The following MGST1 variants were observed in gnomAD, a reference collection of about 807,000 sequenced individuals.
MGST1 encodes microsomal glutathione S-transferase 1, also known as glutathione S-transferase 12.
MGST1 carries 5 observed loss-of-function variants against 8.9 expected under a neutral mutation model. The observed-to-expected ratio is 0.56, with a 90% CI of 0.29 to 1.19. The LOEUF (loss-of-function observed/expected upper bound fraction) is 1.19. MGST1 is among the 50% of genes most tolerant of loss of function. MGST1 has a pLI of 0.08. For missense variants in MGST1, 182 were observed against 187.4 expected, an observed-to-expected ratio of 0.97 and a Z score of 0.17; for synonymous variants, 54 against 67.8, an observed-to-expected ratio of 0.80 and a Z score of 1.00.
intron 4 of MGST1, among the ~76,000 whole-genome samples, chr12:16,588,933 G>A (rs1275178057): frequency 6.6e-6 from 1 of 151,402 alleles, no homozygotes; most frequent in Non-Finnish European, 1.5e-5. Context: ...AATGTGTACC[G>A]CTCTTTCCCT....
At position 16,546,927 on chromosome 12, in the gene MGST1, T is replaced by C. The variant is rs1323553801; in HGVS notation, n.483-42601T>C. Among the ~76,000 whole-genome samples the C allele has an allele frequency of 6.6e-6, 1 of 152,128 alleles. No individual in the cohort carries two copies. Among genetic ancestry groups the C allele is most frequent in the East Asian group, 1.9e-4 (1 of 5,190 alleles). ...TGCATATTTTAGTCTTCAGGAAAAG[T>C]TACTGAAATTAAATCGTGTGTATAC... On this transcript the variant is annotated intron_variant and non_coding_transcript_variant, in intron 4 of 4. Transcript: ENST00000538857. The surrounding 1 kb of genome is among the most constrained non-coding windows in gnomAD (Gnocchi z 4.7).
At chr12:16,357,790 G>T (rs927347792) in intron 3 of MGST1, 91 bp downstream of exon 3, 92 of 939,880 alleles carry the variant, frequency 9.8e-5, no homozygotes, top group Non-Finnish European at 1.5e-4. Flanking sequence ...GGAGACTGAG[G>T]AAAAAAAGTG....
In MGST1 at chr12:16,419,264, CTCT is replaced by C. The variant is rs528582404; in HGVS notation, n.779-18119_779-18117del. On this transcript the variant is annotated intron_variant and non_coding_transcript_variant, in intron 1 of 1. Transcript: ENST00000359720. The stretch of plus-strand genomic sequence containing the variant: ...CCTTTTCTCAGATACCTCAGCCTAC[CTCT>C]TCTTAAAATACAAGCTCCTGTGGGC... Among the ~76,000 whole-genome samples the C allele has an allele frequency of 5.4e-3, 827 of 152,258 alleles. 3 individuals are homozygous for C. The highest frequency in any genetic ancestry group is 7.7e-3 in the Non-Finnish European group (527 of 68,016).
chr12:16,487,462 G>A (rs552344149), intron 4 of MGST1, among the ~76,000 whole-genome samples: 3 of 152,254 alleles, frequency 2.0e-5, no homozygotes, highest in Non-Finnish European at 4.4e-5. Flanking sequence ...TATCAAAACT[G>A]TATAGGAACG....
intron 1 of MGST1, among the ~76,000 whole-genome samples, chr12:16,414,145 C>G (rs968193226): frequency 6.6e-6 from 1 of 151,686 alleles, no homozygotes; most frequent in African/African-American, 2.4e-5. Flanking sequence ...CTCAGGTCCC[C>G]CCTAGCTTTC....
chr12:16,491,278 T>C (rs1021739020), intron 4 of MGST1, among the ~76,000 whole-genome samples: 2 of 152,196 alleles, frequency 1.3e-5, no homozygotes, highest in Non-Finnish European at 2.9e-5. Flanking sequence ...CTGAAAATAC[T>C]TCACAGCTTA....
intron 4 of MGST1, among the ~76,000 whole-genome samples, chr12:16,512,312 T>C (rs17606144): frequency 0.25 from 38,238 of 152,028 alleles, 6,308 homozygotes; most frequent in Non-Finnish European, 0.36. Context: ...TTTCATAGGA[T>C]AATCTCATCT....
intron 4 of MGST1, among the ~76,000 whole-genome samples, chr12:16,484,664 A>C (rs1367041888): frequency 6.6e-6 from 1 of 152,104 alleles, no homozygotes; most frequent in Admixed American, 6.6e-5. Context: ...GTTGCTACAC[A>C]TTTTTAAACA....
intron 4 of MGST1, among the ~76,000 whole-genome samples, chr12:16,463,205 A>G (rs1941232417): frequency 1.3e-5 from 2 of 151,936 alleles, no homozygotes; most frequent in African/African-American, 2.4e-5. Flanking sequence ...TTTTTTAGAG[A>G]TGAGGTTTTC....
chr12:16,463,660 A>G (rs1309685524), intron 4 of MGST1, among the ~76,000 whole-genome samples: 2 of 152,012 alleles, frequency 1.3e-5, no homozygotes, highest in Admixed American at 1.3e-4. Context: ...AGCAGAAAAA[A>G]TATTTTGCTC....
At chr12:16,356,369 G>T (rs1376412830) in intron 2 of MGST1, among the ~76,000 whole-genome samples, 1 of 151,838 alleles carries the variant, frequency 6.6e-6, no homozygotes, top group African/African-American at 2.4e-5. Flanking sequence ...ACTTATTTAG[G>T]GGAGCACTAC....
chr12:16,369,055 A>G (rs952222836), downstream of MGST1, among the ~76,000 whole-genome samples: 1 of 152,138 alleles, frequency 6.6e-6, no homozygotes, highest in African/African-American at 2.4e-5. The surrounding 1 kb of genome is among the most constrained non-coding windows in gnomAD (Gnocchi z 4.8). Flanking sequence ...AGTCATTCGT[A>G]TCTATACCTA....
intron 4 of MGST1, among the ~76,000 whole-genome samples, chr12:16,561,894 A>G (rs1018739952): frequency 6.6e-6 from 1 of 152,230 alleles, no homozygotes; most frequent in African/African-American, 2.4e-5. Flanking sequence ...TTGCTAACAT[A>G]GTCTGTGCAC....
intron 4 of MGST1, among the ~76,000 whole-genome samples, chr12:16,581,988 GTTTTC>G (rs1943174058): frequency 2.0e-5 from 3 of 151,714 alleles, no homozygotes; most frequent in Non-Finnish European, 2.9e-5. Context: ...TATTTACTTC[GTTTTC>G]TTATCTTATT....
At chr12:16,525,343 C>T (rs1247932161) in intron 4 of MGST1, among the ~76,000 whole-genome samples, 3 of 143,328 alleles carry the variant, frequency 2.1e-5, no homozygotes, top group Non-Finnish European at 4.5e-5. Context: ...CCTTCCTGTG[C>T]CCATGTGTTC....
At chr12:16,530,108 G>A (rs980514897) in intron 4 of MGST1, among the ~76,000 whole-genome samples, 1 of 151,994 alleles carries the variant, frequency 6.6e-6, no homozygotes, top group Non-Finnish European at 1.5e-5. Context: ...CACTTTTCAA[G>A]CTTTAAAAAT....
intron 4 of MGST1, among the ~76,000 whole-genome samples, chr12:16,516,017 G>A (rs997533160): frequency 2.4e-4 from 36 of 152,014 alleles, no homozygotes; most frequent in Middle Eastern, 6.8e-3. Context: ...ACTGTAAACC[G>A]CCCCCCACCC....
rs950431809 is a variant in MGST1 at position 16,547,111 on chromosome 12, T to G, written n.483-42417T>G. ...AAGGAAGCTCTAGTAAAAATGAATT[T>G]TCTTCATTTTTCTGGCCATTCATAA... On this transcript the variant is annotated intron_variant and non_coding_transcript_variant, in intron 4 of 4. Transcript: ENST00000538857. This position sits in a 1 kb window ranked among gnomAD's most constrained non-coding sequence, Gnocchi z 4.6. Among the ~76,000 whole-genome samples the G allele has an allele frequency of 3.3e-5, 5 of 152,136 alleles. No individual in the cohort carries two copies. Among genetic ancestry groups the G allele is most frequent in the African/African-American group, 1.2e-4 (5 of 41,436 alleles).
At chr12:16,402,273 G>T in intron 1 of MGST1, 1 of 1,589,822 alleles carries the variant, frequency 6.3e-7, no homozygotes, top group Non-Finnish European at 8.6e-7. Flanking sequence ...CTGTAAGGCA[G>T]TTGATTTGGA....
Sources: gnomAD v4.1 joint callset for allele counts (sites outside exome capture counted in the v4.1 genomes callset) on GRCh38, gnomAD v4.1.1 for gene constraint, Gnocchi (gnomAD v3.1) non-coding constraint, MANE v1.5 for transcripts, NCBI Gene and HGNC (gene_info 2026-07-23, HGNC 2026-07-21) for gene names.